Variants in LINGO2 observed in about 807,000 individuals in gnomAD.
LINGO2 encodes leucine-rich repeat and immunoglobulin-like domain-containing nogo receptor-interacting protein 2.
Under a neutral mutation model 30.6 loss-of-function variants are expected in LINGO2, and 14 were observed. The ratio of observed to expected loss-of-function variants is 0.46; its 90% CI spans 0.30 to 0.72. The LOEUF is 0.72. Ranked by LOEUF, LINGO2 falls within the 30% of genes least tolerant of loss-of-function variation. LINGO2 has a pLI of 0.07. For missense variants in LINGO2, 729 were observed against 751.7 expected (o/e 0.97, Z 0.35); for synonymous variants, 317 against 288.5 (o/e 1.10, Z -1.00).
At chr9:28,545,273 C>A (rs1015067587) in intron 1 of LINGO2, among the ~76,000 whole-genome samples, 22 of 151,964 alleles carry the variant, frequency 1.4e-4, no homozygotes, top group Non-Finnish European at 7.4e-5. Context: ...CCATGATAAA[C>A]CCAAAGACTT....
chr9:29,093,506 A>G, the LINGO2 span, among the ~76,000 whole-genome samples: 17 of 136,410 alleles, frequency 1.2e-4, 1 homozygote, highest in African/African-American at 4.4e-4. Context: ...TTTATAATTT[A>G]CTAATTTTCA....
intron 4 of LINGO2, among the ~76,000 whole-genome samples, chr9:28,200,568 G>C (rs1047638272): frequency 1.6e-4 from 25 of 152,086 alleles, no homozygotes; most frequent in Non-Finnish European, 7.4e-5. Flanking sequence ...TGAACATTTA[G>C]TATTTAATCA....
At chr9:28,861,839 G>C in the LINGO2 span, among the ~76,000 whole-genome samples, 1,103 of 151,950 alleles carry the variant, frequency 7.3e-3, 54 homozygotes, top group East Asian at 0.14. Flanking sequence ...AATAAAAAAA[G>C]CGGTAGTGAA....
the LINGO2 span, among the ~76,000 whole-genome samples, chr9:28,995,231 A>G: frequency 6.6e-6 from 1 of 152,244 alleles, no homozygotes; most frequent in Non-Finnish European, 1.5e-5. Context: ...ACACTTCTCA[A>G]AAGAAGACAT....
At chr9:28,149,911 G>A (rs1287232546) in intron 4 of LINGO2, among the ~76,000 whole-genome samples, 23 of 142,696 alleles carry the variant, frequency 1.6e-4, no homozygotes, top group South Asian at 4.6e-4. Flanking sequence ...ATGCCTCGCC[G>A]CCGTCCTGTC....
At chr9:28,465,574 G>A (rs1008805293) in intron 2 of LINGO2, among the ~76,000 whole-genome samples, 11 of 152,144 alleles carry the variant, frequency 7.2e-5, no homozygotes, top group Admixed American at 4.6e-4. Flanking sequence ...CAGGGACTCC[G>A]CCCTCTTTTA....
At chr9:28,477,661 A>G (rs187092175) in intron 1 of LINGO2, among the ~76,000 whole-genome samples, 3 of 152,276 alleles carry the variant, frequency 2.0e-5, no homozygotes, top group East Asian at 1.9e-4. Flanking sequence ...CAATACTCCA[A>G]TTGAAGCTAC....
At chr9:27,990,467 C>T (rs1271597114) in intron 5 of LINGO2, among the ~76,000 whole-genome samples, 1 of 111,622 alleles carries the variant, frequency 9.0e-6, no homozygotes, top group East Asian at 2.7e-4. Context: ...TCAATACCCC[C>T]CCCCCTTTTA....
intron 3 of LINGO2, among the ~76,000 whole-genome samples, chr9:28,357,397 C>G (rs2134485185): frequency 7.0e-6 from 1 of 143,636 alleles, no homozygotes; most frequent in African/African-American, 2.6e-5. Flanking sequence ...TATGTTGTGA[C>G]TAATTTGGAG....
At chr9:28,335,356 C>T (rs1222723157) in intron 3 of LINGO2, among the ~76,000 whole-genome samples, 1 of 152,148 alleles carries the variant, frequency 6.6e-6, no homozygotes, top group Non-Finnish European at 1.5e-5. Flanking sequence ...CCAGGGATCT[C>T]GCATTGTAGC....
intron 4 of LINGO2, among the ~76,000 whole-genome samples, chr9:28,040,404 G>A (rs933633771): frequency 6.9e-6 from 1 of 145,598 alleles, no homozygotes; most frequent in South Asian, 2.3e-4. Context: ...TTAAGTGGTT[G>A]TTCAAAAAGA....
the LINGO2 span, among the ~76,000 whole-genome samples, chr9:28,864,136 T>A: frequency 6.6e-6 from 1 of 152,122 alleles, no homozygotes; most frequent in African/African-American, 2.4e-5. Flanking sequence ...AAAGATATCC[T>A]CAGTTACTTA....
At chr9:28,876,578 G>A in the LINGO2 span, among the ~76,000 whole-genome samples, 17 of 152,150 alleles carry the variant, frequency 1.1e-4, no homozygotes, top group African/African-American at 2.9e-4. Flanking sequence ...AAGGACATGA[G>A]CTCATCATTT....
At chr9:28,711,086 C>T in the LINGO2 span, among the ~76,000 whole-genome samples, 43 of 151,884 alleles carry the variant, frequency 2.8e-4, no homozygotes, top group African/African-American at 1.0e-3. Context: ...TCCCTACTAC[C>T]TTGAGCTTCA....
chr9:28,684,182 T>C, the LINGO2 span, among the ~76,000 whole-genome samples: 1 of 117,714 alleles, frequency 8.5e-6, no homozygotes, highest in Non-Finnish European at 1.8e-5. Flanking sequence ...TATCTTTTTT[T>C]TTTTTTTTTT....
intron 4 of LINGO2, among the ~76,000 whole-genome samples, chr9:28,096,834 A>G (rs1430129399): frequency 4.6e-5 from 7 of 152,180 alleles, no homozygotes; most frequent in Admixed American, 4.6e-4. Context: ...TCCGACACAC[A>G]GATTGCTTCA....
intron 4 of LINGO2, among the ~76,000 whole-genome samples, chr9:28,013,707 A>C (rs1822675456): frequency 1.3e-5 from 2 of 152,256 alleles, no homozygotes; most frequent in South Asian, 2.1e-4. Flanking sequence ...TGCTAATAAG[A>C]AGCAGATGTT....
At chr9:28,166,593 C>A (rs942041236) in intron 4 of LINGO2, among the ~76,000 whole-genome samples, 2 of 151,776 alleles carry the variant, frequency 1.3e-5, no homozygotes, top group South Asian at 2.1e-4. Context: ...AAATCAAATG[C>A]ACAAAAAGAT....
intron 1 of LINGO2, among the ~76,000 whole-genome samples, chr9:28,591,256 T>A (rs867064124): frequency 1.3e-5 from 2 of 152,086 alleles, no homozygotes; most frequent in Middle Eastern, 6.8e-3. Context: ...CATGTATACA[T>A]ATGTAACAAA....
Sources: gnomAD v4.1 joint callset for allele counts (sites outside exome capture counted in the v4.1 genomes callset) on GRCh38, gnomAD v4.1.1 for gene constraint, MANE v1.5 for transcripts, NCBI Gene and HGNC (gene_info 2026-07-23, HGNC 2026-07-21) for gene names.